EFTUD2: variants seen among roughly 807,000 people sequenced by gnomAD.
The protein encoded by EFTUD2 is elongation factor Tu GTP binding domain containing 2.
In EFTUD2, 9 loss-of-function variants were observed where a neutral mutation model predicts 114.3. The observed-to-expected ratio is 0.08, with a 90% CI of 0.05 to 0.14. The LOEUF (loss-of-function observed/expected upper bound fraction) is 0.14, where lower values mean the gene tolerates loss of function less well. EFTUD2 is among the 10% of genes least tolerant of loss of function. The pLI, the probability that EFTUD2 is intolerant of heterozygous loss-of-function variation, is 1.00. For missense variants in EFTUD2, 765 were observed against 1,241.2 expected, an observed-to-expected ratio of 0.62 and a Z score of 5.76; for synonymous variants, 449 against 462.3, an observed-to-expected ratio of 0.97 and a Z score of 0.37.
At chr17:44,894,350 G>A in intron 2 of EFTUD2, 67 bp downstream of exon 2, 1 of 1,352,800 alleles carries the variant, frequency 7.4e-7, no homozygotes, top group Non-Finnish European at 1.1e-6. Context: ...AACCTGGCAA[G>A]AGAGTGAGAT....
chr17:44,886,893 C>A, intron 2 of EFTUD2, 143 bp from the exon 3 acceptor site: 3 of 1,385,714 alleles, frequency 2.2e-6, no homozygotes, highest in Non-Finnish European at 2.9e-6. Flanking sequence ...GGAGGTTCCA[C>A]TCCTTTGAGA....
intron 13 of EFTUD2, 193 bp from the exon 14 acceptor site, chr17:44,865,258 A>T (rs1300121117): frequency 1.5e-6 from 1 of 673,338 alleles, no homozygotes; most frequent in Non-Finnish European, 2.3e-6. Flanking sequence ...AACCACAGGC[A>T]AAGCCAACTT....
intron 2 of EFTUD2, among the ~76,000 whole-genome samples, chr17:44,887,431 G>A (rs910015414): frequency 1.3e-5 from 2 of 152,188 alleles, no homozygotes; most frequent in African/African-American, 4.8e-5. Context: ...TCGATCAACT[G>A]ATGACTGGAT....
rs560424160 is a variant in EFTUD2 at position 44,860,134 on chromosome 17, A to G, written c.1720-89T>C. The G allele has an allele frequency of 3.2e-6, 5 of 1,578,300 alleles. No individual in the cohort carries two copies. In the African/African-American group the frequency reaches 6.7e-5, roughly 21 times the overall value. ...TATGAGAAGAGAAGAGGACTTGCTT[A>G]GGATCAGACTATGTATTCCCCAACC... On this transcript the variant is annotated intron_variant, in intron 17 of 27. Coordinates refer to ENST00000426333, the MANE Select transcript of EFTUD2 (RefSeq NM_004247.4).
intron 11 of EFTUD2, among the ~76,000 whole-genome samples, chr17:44,870,396 T>C (rs1443030891): frequency 6.6e-6 from 1 of 152,208 alleles, no homozygotes; most frequent in African/African-American, 2.4e-5. Context: ...AAAAGAGCCA[T>C]CTGGAAATAA....
At chr17:44,889,816 G>C (rs1383870534) in intron 2 of EFTUD2, among the ~76,000 whole-genome samples, 2 of 152,100 alleles carry the variant, frequency 1.3e-5, no homozygotes, top group South Asian at 2.1e-4. Context: ...ACTGGTGGTG[G>C]CTCCAAATAG....
chr17:44,860,600 T>A, intron 16 of EFTUD2, 57 bp from the exon 17 acceptor site: 2 of 1,022,018 alleles, frequency 2.0e-6, no homozygotes, highest in South Asian at 3.0e-5. Flanking sequence ...CCCTAATTTT[T>A]TTTTTTTTTT....
rs75199539 is a variant in EFTUD2, at chr17:44,852,878, A to C, written c.2562-316T>G. On this transcript the variant is annotated intron_variant, in intron 25 of 27. Coordinates refer to ENST00000426333, the MANE Select transcript of EFTUD2 (RefSeq NM_004247.4). The stretch of plus-strand genomic sequence containing the variant: ...CTCTGTGAGGAGGGGATCCCAAAAG[A>C]AATGTCAATTTTTTTTTTTTGAGAC... 0.14 allele frequency among the ~76,000 whole-genome samples: 16,646 copies of C among 119,108 alleles called. 1,047 individuals carry two copies. Among genetic ancestry groups the C allele is most frequent in the East Asian group, 0.26 (1,233 of 4,754 alleles). The allele number at this position is 119,108 out of a possible 152,430, so 78.1% of individuals were successfully genotyped here.
chr17:44,852,309 C>A (rs566327385), intron 26 of EFTUD2, 100 bp downstream of exon 26: 1 of 1,478,098 alleles, frequency 6.8e-7, no homozygotes, highest in Non-Finnish European at 9.2e-7. Flanking sequence ...CTCCAGGATG[C>A]TGTACACCTC....
Position 44,854,186 on chromosome 17 carries a change from TA to T in EFTUD2, c.2347+82del. On this transcript the variant is annotated intron_variant, in intron 23 of 27. Coordinates refer to ENST00000426333, the MANE Select transcript of EFTUD2 (RefSeq NM_004247.4). This position sits in a 1 kb window ranked among gnomAD's most constrained non-coding sequence, Gnocchi z 4.3. ...CCAAGCTGCTTCTCCTGCCGAATCCTAAAGATGGTGAGCCCATCCCACTCAT... is the reference window on the plus strand; with the variant it reads ...CCAAGCTGCTTCTCCTGCCGAATCCTAAGATGGTGAGCCCATCCCACTCAT... 1 of 1,475,336 alleles carries T rather than the reference TA, an allele frequency of 6.8e-7. No homozygotes were observed. Among genetic ancestry groups the T allele is most frequent in the East Asian group, 2.3e-5 (1 of 43,620 alleles). 91.4% of individuals were successfully genotyped at this position (1,475,336 alleles called of 1,614,324 possible).
intron 13 of EFTUD2, 30 bp downstream of exon 13, chr17:44,867,777 G>A (rs1382453557): frequency 6.6e-7 from 1 of 1,522,164 alleles, no homozygotes; most frequent in South Asian, 1.3e-5. Flanking sequence ...TATAAGAGCA[G>A]ATCTGCCCAG....
At position 44,851,041 on chromosome 17, in the gene EFTUD2, C is replaced by CCT; in HGVS notation, c.*231_*232dup. On this transcript the variant is annotated 3_prime_UTR_variant, in exon 28 of 28. Transcript: ENST00000426333. ...CCTTCTCTTTCTGTGAGCCCAAGCT[C>CCT]CTCTCTTTTCCTTGGGAATGGAGCC... 2.0e-6 allele frequency: 1 copy of CCT among 500,926 alleles called. No homozygotes were observed. Among genetic ancestry groups the CCT allele is most frequent in the Non-Finnish European group, 3.6e-6 (1 of 277,636 alleles). The allele number at this position is 500,926 out of a possible 1,614,324, so 31.0% of individuals were successfully genotyped here.
chr17:44,861,217 G>A (rs549314116), intron 16 of EFTUD2, among the ~76,000 whole-genome samples: 1 of 152,094 alleles, frequency 6.6e-6, no homozygotes, highest in East Asian at 1.9e-4. Context: ...GAGGTGGGTG[G>A]CTGGATCACC....
At chr17:44,859,827 GA>G (rs2050623468) in intron 18 of EFTUD2, 77 bp downstream of exon 18, 2 of 1,598,974 alleles carry the variant, frequency 1.3e-6, no homozygotes, top group Non-Finnish European at 1.7e-6. Context: ...ACACCTGATG[GA>G]TGGGAAGCGG....
chr17:44,880,378 G>C, intron 8 of EFTUD2, 176 bp downstream of exon 8: 1 of 530,258 alleles, frequency 1.9e-6, no homozygotes, highest in Middle Eastern at 3.6e-4. Context: ...GGAGTATGAT[G>C]CTTGCTAAAT....
chr17:44,874,199 G>A (rs1336285941), intron 10 of EFTUD2, among the ~76,000 whole-genome samples: 1 of 151,492 alleles, frequency 6.6e-6, no homozygotes, highest in Admixed American at 6.6e-5. Context: ...ATGCCAGCAC[G>A]CCAAGCTAAT....
chr17:44,870,777 TGA>T (rs762197007), intron 11 of EFTUD2, among the ~76,000 whole-genome samples: 4 of 152,152 alleles, frequency 2.6e-5, no homozygotes, highest in African/African-American at 4.8e-5. Flanking sequence ...CCCAGCACTT[TGA>T]GAGGCCGAGG....
At chr17:44,894,582 G>T in intron 1 of EFTUD2, 57 bp from the exon 2 acceptor site, 2 of 1,324,858 alleles carry the variant, frequency 1.5e-6, no homozygotes, top group Admixed American at 3.4e-5. Context: ...GCCTTCATGT[G>T]GTGGCTCCAC....
chr17:44,895,683 G>A (rs2051371651), intron 1 of EFTUD2: 1 of 152,126 alleles, frequency 6.6e-6, no homozygotes. Context: ...CTCACCATGT[G>A]TAATTCCTAC....
Sources: allele counts gnomAD v4.1 joint callset (sites outside exome capture counted in the v4.1 genomes callset), GRCh38; gene constraint gnomAD v4.1.1; non-coding constraint Gnocchi (gnomAD v3.1); transcripts MANE v1.5; gene names NCBI Gene and HGNC (gene_info 2026-07-23, HGNC 2026-07-21).